Variants in EIF2AK3 observed in about 807,000 individuals in gnomAD.
EIF2AK3 encodes the protein eukaryotic translation initiation factor 2 alpha kinase 3, also known as eukaryotic translation initiation factor 2-alpha kinase 3.
EIF2AK3 carries 50 observed loss-of-function variants against 113.5 expected under a neutral mutation model. The ratio of observed to expected loss-of-function variants is 0.44; its 90% CI spans 0.35 to 0.56. EIF2AK3 has a LOEUF of 0.56. Among genes scored for constraint, EIF2AK3 ranks in the 20% least tolerant of loss-of-function variants. The pLI is 0.00. For synonymous variants in EIF2AK3, 448 were observed against 495.4 expected (o/e 0.90, Z 1.27); for missense variants, 1,185 against 1,378.0 (o/e 0.86, Z 2.22).
chr2:88,569,372 G>GA (rs372784822), intron 14 of EIF2AK3, among the ~76,000 whole-genome samples: 250 of 150,558 alleles, frequency 1.7e-3, no homozygotes, highest in South Asian at 7.1e-3. Context: ...TTTTTAAAGA[G>GA]AAAAAAAGAT....
At chr2:88,593,812 C>T (rs1233464505) in intron 3 of EIF2AK3, 4 of 829,492 alleles carry the variant, frequency 4.8e-6, no homozygotes, top group Non-Finnish European at 4.4e-6. Context: ...TGAAACTTTT[C>T]TGAGAGCTTT....
chr2:88,590,476 C>A lies in EIF2AK3; in HGVS notation c.1132G>T (p.Ala378Ser), dbSNP rs748410567. The change falls in exon 6 of 17, where the codon GCC becomes TCC. Residue 378 changes from alanine (A) to serine (S), a missense_variant. Physicochemically the swap from Ala to Ser is moderately conservative, Grantham distance 99. Coordinates refer to ENST00000303236, the MANE Select transcript of EIF2AK3 (RefSeq NM_004836.7). ...LEDEEDIVEA[A>S]RGATENSVYL... ...ACACTGTTTTCTGTGGCTCCTCTGG[C>A]AGCTTCTACAATGTCTTCTTCATCT... 2.3e-5 allele frequency: 37 copies of A among 1,613,910 alleles called. No homozygotes were observed. Among genetic ancestry groups the A allele is most frequent in the Non-Finnish European group, 2.7e-5 (32 of 1,179,934 alleles).
intron 2 of EIF2AK3, among the ~76,000 whole-genome samples, chr2:88,604,177 G>A (rs138252099): frequency 6.6e-6 from 1 of 151,984 alleles, no homozygotes; most frequent in African/African-American, 2.4e-5. Flanking sequence ...ACCTTCAATG[G>A]TTTCTCATGG....
intron 1 of EIF2AK3, among the ~76,000 whole-genome samples, chr2:88,614,508 G>A (rs1464429459): frequency 6.6e-6 from 1 of 152,102 alleles, no homozygotes; most frequent in Non-Finnish European, 1.5e-5. Flanking sequence ...AATTCTTTGG[G>A]TTTTCAATAT....
chr2:88,569,652 CAA>C (rs1182150565), intron 14 of EIF2AK3, among the ~76,000 whole-genome samples: 1 of 151,986 alleles, frequency 6.6e-6, no homozygotes, highest in Non-Finnish European at 1.5e-5. Context: ...GACTAATGCA[CAA>C]TGTAAAGTCA....
chr2:88,614,486 T>C (rs1675525919), intron 1 of EIF2AK3, among the ~76,000 whole-genome samples: 1 of 152,200 alleles, frequency 6.6e-6, no homozygotes, highest in African/African-American at 2.4e-5. Context: ...ATATTTAACA[T>C]ACTTCTGCCT....
intron 3 of EIF2AK3, among the ~76,000 whole-genome samples, chr2:88,594,531 G>A (rs1390991738): frequency 6.6e-6 from 1 of 152,050 alleles, no homozygotes; most frequent in Non-Finnish European, 1.5e-5. Context: ...TCTTGATAAT[G>A]GATTTATAAG....
chr2:88,595,550 A>C lies in EIF2AK3; in HGVS notation c.552T>G (p.Ser184=), dbSNP rs776846624. 6.2e-7 allele frequency: 1 copy of C among 1,614,074 alleles called. No individual in the cohort carries two copies. Among genetic ancestry groups the C allele is most frequent in the South Asian group, 1.1e-5 (1 of 91,074 alleles). ...CAACATCATCTCCAAATTTATAAGA[A>C]GATTCAAGAAGTGATTCAACTGTGA... ...VPFTVESLLE[S]SYKFGDDVVL... Residue 184 remains serine (S), a synonymous_variant, in exon 3 of 17, where the codon TCT becomes TCG. Transcript: ENST00000303236.
At chr2:88,571,221 C>G (rs1674300378) in intron 13 of EIF2AK3, among the ~76,000 whole-genome samples, 180 bp from the exon 14 acceptor site, 1 of 152,086 alleles carries the variant, frequency 6.6e-6, no homozygotes, top group Admixed American at 6.5e-5. Context: ...ACAAGTACTG[C>G]TAGTAAAGAA....
chr2:88,602,790 G>A (rs1675186881), intron 2 of EIF2AK3, among the ~76,000 whole-genome samples: 1 of 152,024 alleles, frequency 6.6e-6, no homozygotes, highest in East Asian at 1.9e-4. Flanking sequence ...AACACATACT[G>A]GGGCCTGACG....
At chr2:88,613,373 T>C (rs187782926) in intron 2 of EIF2AK3, among the ~76,000 whole-genome samples, 1 of 152,290 alleles carries the variant, frequency 6.6e-6, no homozygotes, top group East Asian at 1.9e-4. Flanking sequence ...TTCAATAAAG[T>C]TTTTATTTAT....
At chr2:88,567,390 ATTGTT>A (rs1254475671) in intron 14 of EIF2AK3, among the ~76,000 whole-genome samples, 2 of 152,138 alleles carry the variant, frequency 1.3e-5, no homozygotes, top group East Asian at 1.9e-4. Flanking sequence ...AGGTAGAAAT[ATTGTT>A]TTATTATTCT....
chr2:88,589,591 T>C (rs1674830581), intron 6 of EIF2AK3, among the ~76,000 whole-genome samples: 1 of 151,282 alleles, frequency 6.6e-6, no homozygotes, highest in African/African-American at 2.4e-5. Context: ...CAGAAAATTA[T>C]AGACTTTGAG....
chr2:88,626,972 G>A lies in EIF2AK3; in HGVS notation c.303C>T (p.Arg101=), dbSNP rs752970151. 1.2e-6 allele frequency: 2 copies of A among 1,608,564 alleles called. No homozygotes were observed. The highest frequency in any genetic ancestry group is 2.2e-5 in the East Asian group (1 of 44,710). ...EPDDETELRP[R]GRSLVIISTL... ...CCGGGTCGGCAGCCCCTCACCTGCC[G>A]CGCGGTCGCAACTCTGTCTCATCGT... is the stretch of plus-strand genomic sequence containing the variant. Residue 101 remains arginine, a synonymous_variant, in exon 1 of 17, where the codon CGC becomes CGT. Transcript: ENST00000303236.
chr2:88,601,745 T>C (rs1675152169), intron 2 of EIF2AK3, among the ~76,000 whole-genome samples: 1 of 152,182 alleles, frequency 6.6e-6, no homozygotes, highest in Non-Finnish European at 1.5e-5. Flanking sequence ...CATTTTAGTA[T>C]TGCTTGATGG....
chr2:88,581,227 AAAG>A lies in EIF2AK3; in HGVS notation c.1764-1590_1764-1588del, dbSNP rs781488363. 5.3e-3 allele frequency among the ~76,000 whole-genome samples: 809 copies of A among 151,976 alleles called. 2 individuals carry two copies. The highest frequency in any genetic ancestry group is 7.2e-3 in the Non-Finnish European group (492 of 67,952). On this transcript the variant is annotated intron_variant, in intron 10 of 16. Coordinates refer to ENST00000303236, the MANE Select transcript of EIF2AK3 (RefSeq NM_004836.7). ...AACTCCCATATTAAAAAAAAAAAAA[AAAG>A]ACCCAAGAGCTGCATTCTTCATATT... is the stretch of plus-strand genomic sequence containing the variant.
At position 88,600,636 on chromosome 2, in the gene EIF2AK3, G is replaced by T. The variant is rs567311840; in HGVS notation, c.439-4973C>A. 2.0e-4 allele frequency among the ~76,000 whole-genome samples: 30 copies of T among 152,198 alleles called. 1 individual carries two copies. The highest frequency in any genetic ancestry group is 1.1e-3 in the Admixed American group (17 of 15,290). On this transcript the variant is annotated intron_variant, in intron 2 of 16. Transcript: ENST00000303236. ...AGTTTAGTAAAGTAATTCCGTTTCT[G>T]TTTCTTAACAAAACCTAAGTGGTAC...
At chr2:88,568,325 T>C (rs921253020) in intron 14 of EIF2AK3, among the ~76,000 whole-genome samples, 2 of 152,180 alleles carry the variant, frequency 1.3e-5, no homozygotes, top group Admixed American at 6.5e-5. Context: ...TACTAAGATA[T>C]AATTTTTCAC....
At chr2:88,619,955 CA>C (rs35076573) in intron 1 of EIF2AK3, among the ~76,000 whole-genome samples, 17,375 of 119,594 alleles carry the variant, frequency 0.15, 1,680 homozygotes, top group African/African-American at 0.35. Flanking sequence ...GACTCCGTCT[CA>C]AAAAAAAAAA....
Sources: gnomAD v4.1 joint callset for allele counts (sites outside exome capture counted in the v4.1 genomes callset) on GRCh38, gnomAD v4.1.1 for gene constraint, MANE v1.5 for transcripts, NCBI Gene and HGNC (gene_info 2026-07-23, HGNC 2026-07-21) for gene names.